The following DLGAP2 variants were observed in gnomAD, a reference collection of about 807,000 sequenced individuals.
The protein encoded by DLGAP2 is DLG associated protein 2.
DLGAP2 carries 26 observed loss-of-function variants against 100.3 expected under a neutral mutation model. The observed-to-expected ratio is 0.26, with a 90% CI of 0.19 to 0.36. The LOEUF is 0.36. DLGAP2 is among the 10% of genes least tolerant of loss of function. DLGAP2 has a pLI of 1.00. For missense variants in DLGAP2, 1,858 were observed against 1,453.2 expected (o/e 1.28, Z -4.53); for synonymous variants, 886 against 630.1 (o/e 1.41, Z -6.08).
chr8:1,306,756 A>G (rs957772217), intron 3 of DLGAP2, among the ~76,000 whole-genome samples: 8 of 152,214 alleles, frequency 5.3e-5, no homozygotes, highest in African/African-American at 1.9e-4. Context: ...GTATATTGTC[A>G]AATGATTTCT....
chr8:1,170,336 A>G (rs1161478685), intron 2 of DLGAP2, among the ~76,000 whole-genome samples: 2 of 151,956 alleles, frequency 1.3e-5, no homozygotes, highest in Non-Finnish European at 2.9e-5. Flanking sequence ...ATATTGGTCT[A>G]AAATTCTCTT....
intron 3 of DLGAP2, among the ~76,000 whole-genome samples, chr8:1,495,137 G>A (rs529193973): frequency 7.9e-4 from 120 of 152,334 alleles, no homozygotes; most frequent in African/African-American, 2.6e-3. Context: ...TCAGACGGGG[G>A]CCAGCGTCAA....
chr8:1,027,631 G>A (rs1335911418), intron 2 of DLGAP2, among the ~76,000 whole-genome samples: 22 of 141,076 alleles, frequency 1.6e-4, no homozygotes, highest in African/African-American at 5.3e-4. Context: ...TCAGGCGCCC[G>A]TTATTCTCCA....
intron 4 of DLGAP2, among the ~76,000 whole-genome samples, chr8:1,509,008 A>G (rs116363974): frequency 0.013 from 1,917 of 152,200 alleles, 42 homozygotes; most frequent in African/African-American, 0.043. Flanking sequence ...CTGCCAGCAA[A>G]TTTTTAAATG....
intron 2 of DLGAP2, among the ~76,000 whole-genome samples, chr8:1,225,326 A>C (rs1373452342): frequency 1.3e-5 from 2 of 152,266 alleles, no homozygotes; most frequent in African/African-American, 4.8e-5. Flanking sequence ...GAAGCCAGAC[A>C]AAAAATGTCA....
chr8:1,560,505 T>C (rs151138345), intron 5 of DLGAP2, among the ~76,000 whole-genome samples: 72 of 152,310 alleles, frequency 4.7e-4, no homozygotes, highest in African/African-American at 1.7e-3. Context: ...CTTTCCCTGA[T>C]TACCAATTCC....
chr8:1,288,215 G>GCA (rs1799984112), intron 3 of DLGAP2, among the ~76,000 whole-genome samples: 2 of 129,520 alleles, frequency 1.5e-5, no homozygotes, highest in Admixed American at 7.5e-5. Context: ...GTGTGTGTGT[G>GCA]TGGTTAGGAG....
chr8:798,885 C>G (rs1489602441), intron 1 of DLGAP2, among the ~76,000 whole-genome samples: 5 of 152,264 alleles, frequency 3.3e-5, no homozygotes, highest in Non-Finnish European at 7.3e-5. Flanking sequence ...CCGGCGCCAG[C>G]CAGGTGACGG....
chr8:957,556 G>A (rs888395610), intron 2 of DLGAP2, among the ~76,000 whole-genome samples: 3 of 152,198 alleles, frequency 2.0e-5, no homozygotes, highest in Non-Finnish European at 4.4e-5. Flanking sequence ...TTAGAAACGG[G>A]CAGCAGTGTT....
chr8:1,441,767 C>G (rs546401018), intron 3 of DLGAP2, among the ~76,000 whole-genome samples: 2 of 148,344 alleles, frequency 1.3e-5, no homozygotes, highest in Admixed American at 1.3e-4. Context: ...TGAGAGTGGG[C>G]TTTCAACAGC....
At chr8:1,321,576 C>G (rs1012296040) in intron 3 of DLGAP2, among the ~76,000 whole-genome samples, 5 of 152,178 alleles carry the variant, frequency 3.3e-5, no homozygotes, top group African/African-American at 1.2e-4. Flanking sequence ...CTCCACAGCT[C>G]ACAGGAATTC....
intron 7 of DLGAP2, among the ~76,000 whole-genome samples, chr8:1,630,975 CGGG>C (rs1183760359): frequency 9.9e-6 from 1 of 100,694 alleles, no homozygotes; most frequent in Non-Finnish European, 2.3e-5. Flanking sequence ...AGGGTCTCGG[CGGG>C]AGGTCCGGGT....
intron 2 of DLGAP2, among the ~76,000 whole-genome samples, chr8:1,233,352 A>G (rs570998447): frequency 2.6e-5 from 4 of 152,306 alleles, no homozygotes; most frequent in African/African-American, 9.6e-5. Flanking sequence ...CCTGTGCTCT[A>G]AGAAGCCTTT....
At position 1,430,032 on chromosome 8, in the gene DLGAP2, A is replaced by T. The variant is rs536184812; in HGVS notation, c.107-71334A>T. ...CATATATATATATATATATATACAC[A>T]CACACACATATGAACTTAGAATTCA... On this transcript the variant is annotated intron_variant, in intron 3 of 14. Transcript: ENST00000637795. 1.2e-3 allele frequency among the ~76,000 whole-genome samples: 84 copies of T among 72,488 alleles called. 12 individuals are homozygous for T. The highest frequency in any genetic ancestry group is 4.4e-3 in the African/African-American group (83 of 18,674). The allele number at this position is 72,488 out of a possible 152,430, so 47.6% of individuals were successfully genotyped here.
rs146678427 is a variant in DLGAP2, at chr8:1,417,328, C to T, written c.107-84038C>T. Among the ~76,000 whole-genome samples, 134 of 151,950 alleles carry T rather than the reference C, an allele frequency of 8.8e-4. 5 individuals are homozygous for T. In the East Asian group the frequency reaches 0.018, roughly 21 times the overall value. ...TCTGCGGGGTGCCCAGGTTCGACAGCATCTCACCGCATGTTCATAGAAGCC... is the reference window on the plus strand; with the variant it reads ...TCTGCGGGGTGCCCAGGTTCGACAGTATCTCACCGCATGTTCATAGAAGCC... On this transcript the variant is annotated intron_variant, in intron 3 of 14. Coordinates refer to ENST00000637795, the MANE Select transcript of DLGAP2 (RefSeq NM_001346810.2).
intron 3 of DLGAP2, among the ~76,000 whole-genome samples, chr8:1,417,736 C>CTCCAGGGGGGCACAGGGGG (rs1796971149): frequency 6.1e-5 from 1 of 16,492 alleles, no homozygotes; most frequent in African/African-American, 2.1e-4. Context: ...GACACAGAAG[C>CTCCAGGGGGGCACAGGGGG]CCACGGAGAC....
intron 6 of DLGAP2, among the ~76,000 whole-genome samples, chr8:1,590,298 C>T (rs1170275393): frequency 6.6e-6 from 1 of 152,184 alleles, no homozygotes; most frequent in Middle Eastern, 3.2e-3. Flanking sequence ...ACAGTTCAGG[C>T]CGTACCAGAA....
At chr8:884,394 A>T (rs1797880781) in intron 1 of DLGAP2, among the ~76,000 whole-genome samples, 1 of 151,780 alleles carries the variant, frequency 6.6e-6, no homozygotes, top group African/African-American at 2.4e-5. Context: ...ATGATCAGTG[A>T]TGTTGAGCTT....
chr8:873,572 T>C (rs1797637618), intron 1 of DLGAP2, among the ~76,000 whole-genome samples: 1 of 152,194 alleles, frequency 6.6e-6, no homozygotes, highest in African/African-American at 2.4e-5. Context: ...CTGCATTCAT[T>C]TTACTAATAT....
Sources: allele counts gnomAD v4.1 joint callset (sites outside exome capture counted in the v4.1 genomes callset), GRCh38; gene constraint gnomAD v4.1.1; transcripts MANE v1.5; gene names NCBI Gene and HGNC (gene_info 2026-07-23, HGNC 2026-07-21).